Variants in SLC5A9 observed in about 807,000 individuals in gnomAD.
SLC5A9 encodes sodium/glucose cotransporter 4.
In SLC5A9, 59 loss-of-function variants were observed where a neutral mutation model predicts 70.9. The observed-to-expected ratio is 0.83, with a 90% CI of 0.68 to 1.03. The LOEUF (loss-of-function observed/expected upper bound fraction) is 1.03, where lower values mean the gene tolerates loss of function less well. SLC5A9 is among the 50% of genes least tolerant of loss of function. SLC5A9 has a pLI of 0.00. For missense variants in SLC5A9, 832 were observed against 881.1 expected, an observed-to-expected ratio of 0.94 and a Z score of 0.71; for synonymous variants, 340 against 346.5, an observed-to-expected ratio of 0.98 and a Z score of 0.21.
intron 2 of SLC5A9, among the ~76,000 whole-genome samples, chr1:48,227,201 TGTGA>T (rs1644165227): frequency 7.2e-6 from 1 of 139,206 alleles, no homozygotes; most frequent in African/African-American, 3.0e-5. Flanking sequence ...TGTGCCTGTG[TGTGA>T]GTGCATGTGT....
chr1:48,231,901 G>A, intron 6 of SLC5A9, 45 bp from the exon 7 acceptor site: 1 of 1,611,682 alleles, frequency 6.2e-7, no homozygotes, highest in Non-Finnish European at 8.5e-7. Flanking sequence ...TGAGTGACAG[G>A]CTCAGTGGGG....
intron 2 of SLC5A9, chr1:48,228,627 G>A: frequency 1.5e-6 from 1 of 651,028 alleles, no homozygotes; most frequent in Non-Finnish European, 2.5e-6. Context: ...GTGACCTGGA[G>A]CCATGAATTC....
At chr1:48,242,647 C>T (rs749386049) in intron 13 of SLC5A9, 31 bp downstream of exon 13, 4 of 1,578,168 alleles carry the variant, frequency 2.5e-6, no homozygotes, top group Admixed American at 1.8e-5. Context: ...GGATACTCAT[C>T]ACAGAGGAAC....
chr1:48,227,453 AGAGAGT>A (rs1644177461), intron 2 of SLC5A9, among the ~76,000 whole-genome samples: 3 of 43,946 alleles, frequency 6.8e-5, no homozygotes, highest in Non-Finnish European at 1.0e-4. Context: ...TGTATGTGTG[AGAGAGT>A]GTGTGTACTG....
At position 48,235,799 on chromosome 1, in the gene SLC5A9, C is replaced by T. The variant is rs1644318184; in HGVS notation, c.1212C>T (p.Ser404=). 2 of 1,614,112 alleles carry T rather than the reference C, an allele frequency of 1.2e-6. No individual in the cohort carries two copies. The highest frequency in any genetic ancestry group is 3.3e-5 in the Admixed American group (2 of 60,010). ...LMSSLTSIFN[S]SSTLFTIDVW... is the part of the protein sequence containing the mutation. The stretch of plus-strand genomic sequence containing the variant: ...GCTCACTCACCTCCATCTTCAACAG[C>T]AGCAGCACCCTGTTCACCATTGATG... The change falls in exon 10 of 14, where the codon AGC becomes AGT. Residue 404 remains serine (S), a synonymous_variant. Coordinates refer to ENST00000438567, the MANE Select transcript of SLC5A9 (RefSeq NM_001011547.3).
At chr1:48,224,379 A>G (rs1644113890) in intron 1 of SLC5A9, among the ~76,000 whole-genome samples, 1 of 152,220 alleles carries the variant, frequency 6.6e-6, no homozygotes, top group Non-Finnish European at 1.5e-5. Context: ...TACACATCTA[A>G]GGAGGTGATA....
chr1:48,246,669 T>C (rs1365929537), intron 13 of SLC5A9, among the ~76,000 whole-genome samples: 1 of 152,202 alleles, frequency 6.6e-6, no homozygotes, highest in Non-Finnish European at 1.5e-5. Context: ...ACATTTAGCA[T>C]ATCATATACA....
intron 2 of SLC5A9, chr1:48,228,212 G>A (rs1173477821): frequency 6.6e-6 from 1 of 152,486 alleles, no homozygotes; most frequent in Non-Finnish European, 1.5e-5. Context: ...TCATGGGTAA[G>A]ATGGGGATAA....
At chr1:48,242,229 G>A in intron 12 of SLC5A9, 1 of 549,626 alleles carries the variant, frequency 1.8e-6, no homozygotes, top group Non-Finnish European at 3.3e-6. Flanking sequence ...CTGTATTCCA[G>A]CACCTAGCAC....
At chr1:48,245,083 A>G (rs997145886) in intron 13 of SLC5A9, among the ~76,000 whole-genome samples, 7 of 147,742 alleles carry the variant, frequency 4.7e-5, no homozygotes, top group African/African-American at 1.7e-4. Flanking sequence ...ACTTTTATAT[A>G]TATATATATA....
At chr1:48,231,368 C>G (rs1644244495) in intron 5 of SLC5A9, among the ~76,000 whole-genome samples, 177 bp from the exon 6 acceptor site, 1 of 152,178 alleles carries the variant, frequency 6.6e-6, no homozygotes, top group South Asian at 2.1e-4. Context: ...AGCTGGCATC[C>G]TGCCGGGGAG....
rs1172818000 is a variant in SLC5A9 at position 48,237,722 on chromosome 1, C to A, written c.1336C>A (p.Pro446Thr). ...FLVVISILWI[P>T]IIQSSNSGQL... Reference sequence around the variant, plus strand: ...GGTTGTCATCAGCATCCTCTGGATCCCCATCATCCAAAGCTCCAACAGTGG... The same window carrying A: ...GGTTGTCATCAGCATCCTCTGGATCACCATCATCCAAAGCTCCAACAGTGG... Residue 446 changes from proline (P) to threonine (T), a missense_variant, in exon 11 of 14, where the codon CCC (proline) becomes ACC (threonine). Physicochemically the swap from Pro to Thr is conservative, Grantham distance 38. Coordinates refer to ENST00000438567, the MANE Select transcript of SLC5A9 (RefSeq NM_001011547.3). The A allele has an allele frequency of 1.2e-6, 2 of 1,613,984 alleles. No homozygotes were observed. Among genetic ancestry groups the A allele is most frequent in the Non-Finnish European group, 1.7e-6 (2 of 1,180,024 alleles).
chr1:48,235,963 G>T (rs1644321250), intron 10 of SLC5A9, 84 bp downstream of exon 10: 4 of 1,541,732 alleles, frequency 2.6e-6, no homozygotes, highest in South Asian at 1.2e-5. Flanking sequence ...AGGTGGCTGG[G>T]TTGGACCCTG....
chr1:48,234,734 G>A (rs902217487), intron 9 of SLC5A9, among the ~76,000 whole-genome samples: 2 of 152,130 alleles, frequency 1.3e-5, no homozygotes, highest in Non-Finnish European at 2.9e-5. Flanking sequence ...TGTGGTAGAA[G>A]GAGGAGTGAA....
At chr1:48,234,720 T>C (rs1644303264) in intron 9 of SLC5A9, among the ~76,000 whole-genome samples, 1 of 152,102 alleles carries the variant, frequency 6.6e-6, no homozygotes, top group Non-Finnish European at 1.5e-5. Context: ...AGTTATTCCC[T>C]CCCTGTGGTA....
Position 48,239,304 on chromosome 1 carries a change from G to T in SLC5A9, c.1462-18G>T, listed in dbSNP as rs370927605. 3.1e-6 allele frequency: 5 copies of T among 1,589,746 alleles called. No individual in the cohort carries two copies. In the South Asian group the frequency reaches 5.6e-5, roughly 18 times the overall value. On this transcript the variant is annotated intron_variant, in intron 11 of 13. Coordinates refer to ENST00000438567, the MANE Select transcript of SLC5A9 (RefSeq NM_001011547.3). This position sits in a 1 kb window ranked among gnomAD's most constrained non-coding sequence, Gnocchi z 4.2. Reference sequence around the variant, plus strand: ...CCACCTGGATCTCACCTCAGCTCTTGTCTGCCCTCTCTCACAGGGAGCTTT... The same window carrying T: ...CCACCTGGATCTCACCTCAGCTCTTTTCTGCCCTCTCTCACAGGGAGCTTT...
At chr1:48,231,751 C>T (rs1034736788) in intron 6 of SLC5A9, 126 bp downstream of exon 6, 1 of 1,513,510 alleles carries the variant, frequency 6.6e-7, no homozygotes, top group Non-Finnish European at 8.9e-7. Context: ...GTCCCCTCTC[C>T]AGGCTGCAGC....
intron 4 of SLC5A9, among the ~76,000 whole-genome samples, chr1:48,230,170 G>A (rs142366224): frequency 2.0e-4 from 31 of 152,328 alleles, no homozygotes; most frequent in African/African-American, 6.0e-4. Context: ...GGCTCCTGCC[G>A]CATTGGGTCA....
Position 48,229,450 on chromosome 1 carries a change from C to G in SLC5A9, c.495C>G (p.Thr165=). 1 of 1,614,024 alleles carries G rather than the reference C, an allele frequency of 6.2e-7. No homozygotes were observed. ...TGTCTCTCATCCTCTACATCTTCAC[C>G]AAGATCTCGGTAGGTGTCACTGCAA... is the stretch of plus-strand genomic sequence containing the variant. ...SVLSLILYIF[T]KISTDIFSGA... The change falls in exon 4 of 14, where the codon ACC becomes ACG. Residue 165 remains threonine, a synonymous_variant. Transcript: ENST00000438567.
Sources: gnomAD v4.1 joint callset for allele counts (sites outside exome capture counted in the v4.1 genomes callset) on GRCh38, gnomAD v4.1.1 for gene constraint, Gnocchi (gnomAD v3.1) non-coding constraint, MANE v1.5 for transcripts, NCBI Gene and HGNC (gene_info 2026-07-23, HGNC 2026-07-21) for gene names.